The following SPMAP2L variants were observed in gnomAD, a reference collection of about 807,000 sequenced individuals.
SPMAP2L encodes sperm microtubule associated protein 2-like.
chr4:56,530,607 G>A, the SPMAP2L span: 1 of 1,486,656 alleles, frequency 6.7e-7, no homozygotes, highest in Non-Finnish European at 8.9e-7. Flanking sequence ...GTATCGCGCA[G>A]AGAGCAAACT....
chr4:56,568,345 T>C, the SPMAP2L span, among the ~76,000 whole-genome samples: 1 of 152,198 alleles, frequency 6.6e-6, no homozygotes, highest in Non-Finnish European at 1.5e-5. Flanking sequence ...TAGTTTTTTA[T>C]TGGGTACCAA....
chr4:56,551,918 G>A, the SPMAP2L span, among the ~76,000 whole-genome samples: 255 of 152,274 alleles, frequency 1.7e-3, 7 homozygotes, highest in South Asian at 0.04. Context: ...TGGAAGAGAC[G>A]CACTAGCTCT....
At chr4:56,553,086 T>A in the SPMAP2L span, among the ~76,000 whole-genome samples, 1 of 151,588 alleles carries the variant, frequency 6.6e-6, no homozygotes, top group Admixed American at 6.6e-5. Flanking sequence ...TCCAGCAAGC[T>A]GGACCCTTAG....
At chr4:56,543,895 A>AGTGTGTGTGTGTGT in the SPMAP2L span, among the ~76,000 whole-genome samples, 10 of 109,418 alleles carry the variant, frequency 9.1e-5, no homozygotes, top group African/African-American at 3.7e-4. Flanking sequence ...AGAGAGAGAG[A>AGTGTGTGTGTGTGT]GTGTGTGTGT....
At chr4:56,534,790 G>A in the SPMAP2L span, among the ~76,000 whole-genome samples, 81 of 152,232 alleles carry the variant, frequency 5.3e-4, no homozygotes, top group African/African-American at 1.9e-3. Flanking sequence ...ATAGCTAGGC[G>A]TGGTGGCGCA....
the SPMAP2L span, among the ~76,000 whole-genome samples, chr4:56,555,646 G>A: frequency 6.6e-6 from 1 of 151,918 alleles, no homozygotes; most frequent in Non-Finnish European, 1.5e-5. Context: ...TTAGAGTTTT[G>A]TAGTTTTCCT....
chr4:56,536,966 G>T, the SPMAP2L span, among the ~76,000 whole-genome samples: 1 of 152,122 alleles, frequency 6.6e-6, no homozygotes, highest in African/African-American at 2.4e-5. Flanking sequence ...GTTTCACCAT[G>T]TTGGCCAGGC....
At chr4:56,625,138 C>A in the SPMAP2L span, among the ~76,000 whole-genome samples, 2 of 152,180 alleles carry the variant, frequency 1.3e-5, no homozygotes, top group African/African-American at 4.8e-5. Context: ...CATTTAGGAT[C>A]TTTAAAATTT....
the SPMAP2L span, among the ~76,000 whole-genome samples, chr4:56,615,653 CAGG>C: frequency 6.6e-6 from 1 of 152,218 alleles, no homozygotes; most frequent in South Asian, 2.1e-4. Flanking sequence ...GAGGCTGAGG[CAGG>C]AGAATTGCTT....
chr4:56,603,536 T>G, the SPMAP2L span: 1 of 405,376 alleles, frequency 2.5e-6, no homozygotes, highest in Admixed American at 4.0e-5. Context: ...GACTCCAGCA[T>G]GCAATAAATG....
the SPMAP2L span, among the ~76,000 whole-genome samples, chr4:56,598,997 G>A: frequency 6.6e-6 from 1 of 151,974 alleles, no homozygotes; most frequent in Non-Finnish European, 1.5e-5. Flanking sequence ...TGTAAGATGT[G>A]CCTTTGCTCC....
chr4:56,545,679 C>T, the SPMAP2L span, among the ~76,000 whole-genome samples: 9 of 140,498 alleles, frequency 6.4e-5, no homozygotes, highest in East Asian at 1.7e-3. Flanking sequence ...GATGATTGCG[C>T]TACTGCACTC....
At chr4:56,595,415 G>C in the SPMAP2L span, 1 of 1,606,394 alleles carries the variant, frequency 6.2e-7, no homozygotes. Context: ...GACAGATTCT[G>C]TGATGCCATG....
chr4:56,540,716 T>C, the SPMAP2L span, among the ~76,000 whole-genome samples: 2 of 152,172 alleles, frequency 1.3e-5, no homozygotes, highest in Admixed American at 6.5e-5. Flanking sequence ...GCCTGTGAAC[T>C]ACTGACGAGA....
At chr4:56,541,008 G>C in the SPMAP2L span, among the ~76,000 whole-genome samples, 1 of 152,244 alleles carries the variant, frequency 6.6e-6, no homozygotes, top group Middle Eastern at 3.2e-3. Context: ...CTGTTGCGAA[G>C]AGCACTGGAC....
At chr4:56,545,106 A>G in the SPMAP2L span, among the ~76,000 whole-genome samples, 1 of 152,210 alleles carries the variant, frequency 6.6e-6, no homozygotes, top group Non-Finnish European at 1.5e-5. Flanking sequence ...GAAAACAAAC[A>G]CAAGAAAGAA....
the SPMAP2L span, among the ~76,000 whole-genome samples, chr4:56,598,141 G>A: frequency 6.6e-6 from 1 of 152,200 alleles, no homozygotes; most frequent in South Asian, 2.1e-4. Flanking sequence ...AGGATTATAG[G>A]TGTGAGCCAT....
At chr4:56,541,808 T>C in the SPMAP2L span, among the ~76,000 whole-genome samples, 1 of 152,098 alleles carries the variant, frequency 6.6e-6, no homozygotes, top group East Asian at 1.9e-4. Context: ...TTTACAATTA[T>C]TCTTTCTTTC....
chr4:56,589,736 GT>G, the SPMAP2L span, among the ~76,000 whole-genome samples: 1 of 147,936 alleles, frequency 6.8e-6, no homozygotes, highest in African/African-American at 2.6e-5. Context: ...TTGTTTTTGT[GT>G]GTGGGGGGGT....
Sources: gnomAD v4.1 joint callset for allele counts (sites outside exome capture counted in the v4.1 genomes callset) on GRCh38, gnomAD v4.1.1 for gene constraint, MANE v1.5 for transcripts, NCBI Gene and HGNC (gene_info 2026-07-23, HGNC 2026-07-21) for gene names.